Variants in PPP4R3A observed in about 807,000 individuals in gnomAD.
PPP4R3A encodes the protein protein phosphatase 4 regulatory subunit 3A.
PPP4R3A carries 15 observed loss-of-function variants against 91.7 expected under a neutral mutation model. The ratio of observed to expected loss-of-function variants is 0.16; its 90% confidence interval spans 0.11 to 0.25. PPP4R3A has a LOEUF of 0.25. Ranked by LOEUF, PPP4R3A falls within the 10% of genes least tolerant of loss-of-function variation. The pLI, the probability that PPP4R3A is intolerant of heterozygous loss-of-function variation, is 1.00. For synonymous variants in PPP4R3A, 377 were observed against 348.7 expected, an observed-to-expected ratio of 1.08 and a Z score of -0.91; for missense variants, 623 against 998.4, an observed-to-expected ratio of 0.62 and a Z score of 5.07.
chr14:91,507,365 T>TAC (rs1376227739), intron 1 of PPP4R3A, among the ~76,000 whole-genome samples: 1 of 64,412 alleles, frequency 1.6e-5, no homozygotes, highest in Non-Finnish European at 3.0e-5. Flanking sequence ...ATAGTATATA[T>TAC]ACTATAATTA....
rs2140183779 is a variant in PPP4R3A at position 91,509,452 on chromosome 14, G to A, written c.142+54C>T. The A allele has an allele frequency of 3.2e-6, 5 of 1,539,092 alleles. No homozygotes were observed. The East Asian group carries it at 9.8e-5, about 30-fold the overall frequency. ...GCCATGCCCCGCAAGAACCAGGGAG[G>A]CGGCCCAGGGCCGTGGGGGCTGCGA... On this transcript the variant is annotated intron_variant, in intron 1 of 14. Transcript: ENST00000554943.
At chr14:91,460,562 T>TTTGGG (rs1214232996) in intron 14 of PPP4R3A, among the ~76,000 whole-genome samples, 2 of 151,942 alleles carry the variant, frequency 1.3e-5, no homozygotes, top group Non-Finnish European at 2.9e-5. Flanking sequence ...AAAGGGTGGT[T>TTTGGG]GGCATAAGGA....
chr14:91,505,832 G>T (rs745700848), intron 1 of PPP4R3A, among the ~76,000 whole-genome samples: 5 of 152,042 alleles, frequency 3.3e-5, no homozygotes, highest in Non-Finnish European at 5.9e-5. Context: ...ACAACAAAAA[G>T]AAAATATCAA....
In PPP4R3A at chr14:91,470,931, G is replaced by A. The variant is rs1221065879; in HGVS notation, c.1566C>T (p.His522=). ...VLELLTFCVE[H]HTYHIKNYII... ...TGTAGTTCTTTATGTGGTAGGTATG[G>A]TGCTCCACACAAAATGTTAACAATT... Residue 522 remains histidine (H), a synonymous_variant, in exon 10 of 15, where the codon CAC becomes CAT. Transcript: ENST00000554943. The A allele has an allele frequency of 5.0e-6, 8 of 1,611,120 alleles. No individual in the cohort carries two copies. Among genetic ancestry groups the A allele is most frequent in the Non-Finnish European group, 6.8e-6 (8 of 1,179,528 alleles).
chr14:91,459,655 T>A (rs2140058049), intron 14 of PPP4R3A, among the ~76,000 whole-genome samples: 1 of 151,842 alleles, frequency 6.6e-6, no homozygotes, highest in Non-Finnish European at 1.5e-5. Flanking sequence ...ATTAACATAG[T>A]GAAACCCTGT....
Position 91,470,884 on chromosome 14 carries a change from C to A in PPP4R3A, c.1613G>T (p.Arg538Leu). ...CGAGGCCATAAGAACTAGCACTCTC[C>A]GGAGGATATCCTTATTAATAATGTA... ...KNYIINKDIL[R>L]RVLVLMASKH... is the part of the protein sequence containing the mutation. Residue 538 changes from arginine (R) to leucine (L), a missense_variant, in exon 10 of 15, where the codon CGG (arginine) becomes CTG (leucine). Coordinates refer to ENST00000554943, the MANE Select transcript of PPP4R3A (RefSeq NM_001366432.2). The A allele has an allele frequency of 6.2e-7, 1 of 1,611,674 alleles. No individual in the cohort carries two copies. Among genetic ancestry groups the A allele is most frequent in the Non-Finnish European group, 8.5e-7 (1 of 1,179,512 alleles).
chr14:91,486,214 T>C (rs1279872615), intron 2 of PPP4R3A, among the ~76,000 whole-genome samples: 1 of 151,920 alleles, frequency 6.6e-6, no homozygotes, highest in Non-Finnish European at 1.5e-5. Context: ...GCTACATTTG[T>C]AGTACGTGAG....
intron 1 of PPP4R3A, among the ~76,000 whole-genome samples, chr14:91,505,013 A>G (rs544738096): frequency 1.3e-5 from 2 of 152,326 alleles, no homozygotes; most frequent in South Asian, 2.1e-4. Flanking sequence ...CACTATATAC[A>G]TTATAAAATT....
At chr14:91,504,169 AG>A (rs1891133959) in intron 1 of PPP4R3A, among the ~76,000 whole-genome samples, 1 of 113,564 alleles carries the variant, frequency 8.8e-6, no homozygotes, top group Non-Finnish European at 1.8e-5. Context: ...CTTAAAAAAA[AG>A]AAAAAAAAAA....
Position 91,482,067 on chromosome 14 carries a change from C to T in PPP4R3A, c.424G>A (p.Glu142Lys). 1.2e-6 allele frequency: 2 copies of T among 1,614,052 alleles called. No homozygotes were observed. The highest frequency in any genetic ancestry group is 1.7e-6 in the Non-Finnish European group (2 of 1,180,026). The change falls in exon 4 of 15, where the codon GAA (glutamate) becomes AAA (lysine). Residue 142 changes from glutamate (E) to lysine (K), a missense_variant. By Grantham distance (56) the Glu-to-Lys change is moderately conservative. Transcript: ENST00000554943. Reference sequence around the variant, plus strand: ...GATGATGCCACAAGTTCTGCAATTTCTTCAAGGCGACTTAATTCACAAGAT... The same window carrying T: ...GATGATGCCACAAGTTCTGCAATTTTTTCAAGGCGACTTAATTCACAAGAT... ...LPSCELSRLEEIAELVASSLP... is the reference protein window; with the variant it reads ...LPSCELSRLEKIAELVASSLP...
At chr14:91,488,072 C>G (rs1323534799) in intron 2 of PPP4R3A, among the ~76,000 whole-genome samples, 1 of 152,046 alleles carries the variant, frequency 6.6e-6, no homozygotes, top group Non-Finnish European at 1.5e-5. Context: ...CCCTGTAGTC[C>G]CAGCTAGTTA....
chr14:91,494,436 A>G (rs1220353955), intron 1 of PPP4R3A, among the ~76,000 whole-genome samples: 1 of 152,252 alleles, frequency 6.6e-6, no homozygotes, highest in African/African-American at 2.4e-5. Flanking sequence ...GAATATATAA[A>G]GGACTCTTAC....
At chr14:91,475,730 A>C (rs754264301) in intron 7 of PPP4R3A, 81 bp downstream of exon 7, 56 of 1,367,440 alleles carry the variant, frequency 4.1e-5, no homozygotes, top group Non-Finnish European at 5.3e-5. Context: ...AACAGCAACA[A>C]TTAAATCTTA....
chr14:91,498,607 A>G (rs976208963), intron 1 of PPP4R3A, among the ~76,000 whole-genome samples: 1 of 152,020 alleles, frequency 6.6e-6, no homozygotes, highest in Admixed American at 6.6e-5. Context: ...CTATGGGAGG[A>G]TCACTTAAGC....
In PPP4R3A at chr14:91,472,941, A is replaced by C. The variant is rs1041671650; in HGVS notation, c.1501+92T>G. 17 of 1,141,714 alleles carry C rather than the reference A, an allele frequency of 1.5e-5. No homozygotes were observed. The African/African-American group carries it at 2.5e-4, about 17-fold the overall frequency. 70.7% of individuals were successfully genotyped at this position (1,141,714 alleles called of 1,614,324 possible). A position where few individuals can be genotyped will look rare whatever the true frequency, so the allele number is the denominator to read the frequency against. On this transcript the variant is annotated intron_variant, in intron 9 of 14. Coordinates refer to ENST00000554943, the MANE Select transcript of PPP4R3A (RefSeq NM_001366432.2). The stretch of plus-strand genomic sequence containing the variant: ...TGTGTCCTCCCAGCCTCTACCTCCC[A>C]CTAACTGCCTCCTAAAAAGACTGAC...
At position 91,479,292 on chromosome 14, in the gene PPP4R3A, ACGTG is replaced by A. The variant is rs556705770; in HGVS notation, c.915+2280_915+2283del. 2.9e-4 allele frequency among the ~76,000 whole-genome samples: 27 copies of A among 93,348 alleles called. No homozygotes were observed. The East Asian group carries it at 8.4e-3, about 29-fold the overall frequency. The allele number at this position is 93,348 out of a possible 152,430, so 61.2% of individuals were successfully genotyped here. A position where few individuals can be genotyped will look rare whatever the true frequency, so the allele number is the denominator to read the frequency against. On this transcript the variant is annotated intron_variant, in intron 4 of 14. Coordinates refer to ENST00000554943, the MANE Select transcript of PPP4R3A (RefSeq NM_001366432.2). The stretch of plus-strand genomic sequence containing the variant: ...CACAGGCATCAAAGAATAAAAAACA[ACGTG>A]TGTGTGTGTGTGTGTGTGTGTGTGT...
upstream of PPP4R3A, chr14:91,510,417 C>G (rs1891734139): frequency 6.5e-6 from 1 of 152,752 alleles, no homozygotes; most frequent in African/African-American, 2.4e-5. Context: ...CCGACGGAGG[C>G]GGGAGGCGGG....
At chr14:91,497,468 T>C (rs562508956) in intron 1 of PPP4R3A, among the ~76,000 whole-genome samples, 3 of 152,018 alleles carry the variant, frequency 2.0e-5, no homozygotes, top group East Asian at 3.9e-4. Context: ...AACTCCAATA[T>C]TGAGACTTGA....
At chr14:91,461,648 C>T (rs1291637135) in intron 13 of PPP4R3A, 41 bp from the exon 14 acceptor site, 2 of 1,577,860 alleles carry the variant, frequency 1.3e-6, no homozygotes, top group African/African-American at 1.4e-5. Context: ...CCCCATACTT[C>T]TTTTTTAAAT....
Sources: allele counts gnomAD v4.1 joint callset (sites outside exome capture counted in the v4.1 genomes callset), GRCh38; gene constraint gnomAD v4.1.1; transcripts MANE v1.5; gene names NCBI Gene and HGNC (gene_info 2026-07-23, HGNC 2026-07-21).